Variants in ATP8B4 observed in about 807,000 individuals in gnomAD.
The protein encoded by ATP8B4 is probable phospholipid-transporting ATPase IM.
In ATP8B4, 133 loss-of-function variants were observed where a neutral mutation model predicts 145.6. The observed-to-expected ratio is 0.91, with a 90% CI of 0.79 to 1.05. The LOEUF (loss-of-function observed/expected upper bound fraction) is 1.05, where lower values mean the gene tolerates loss of function less well. Among genes scored for constraint, ATP8B4 ranks in the 50% least tolerant of loss-of-function variants. ATP8B4 has a pLI of 0.00. For missense variants in ATP8B4, 1,458 were observed against 1,425.2 expected, an observed-to-expected ratio of 1.02 and a Z score of -0.37; for synonymous variants, 507 against 492.9, an observed-to-expected ratio of 1.03 and a Z score of -0.38.
chr15:49,875,954 T>C (rs1194016219), intron 25 of ATP8B4, among the ~76,000 whole-genome samples: 3 of 152,204 alleles, frequency 2.0e-5, no homozygotes, highest in Non-Finnish European at 2.9e-5. Context: ...AAGTTTCTCC[T>C]TCTGTTATTG....
chr15:49,862,152 T>C, intron 27 of ATP8B4, 93 bp downstream of exon 27: 10 of 1,448,478 alleles, frequency 6.9e-6, no homozygotes, highest in Non-Finnish European at 9.4e-6. Context: ...ACAATTTCAT[T>C]AGCCCATCTC....
At chr15:50,037,436 A>G (rs1466613365) in intron 6 of ATP8B4, among the ~76,000 whole-genome samples, 1 of 152,210 alleles carries the variant, frequency 6.6e-6, no homozygotes, top group African/African-American at 2.4e-5. Context: ...AACATACAAG[A>G]CACTGGGCCA....
At chr15:49,897,978 T>G (rs2037596657) in intron 22 of ATP8B4, 90 bp downstream of exon 22, 1 of 1,401,852 alleles carries the variant, frequency 7.1e-7, no homozygotes, top group Non-Finnish European at 9.8e-7. Context: ...AAATTAAATT[T>G]TAATGCAATC....
chr15:49,930,208 T>G (rs945486662), intron 16 of ATP8B4, among the ~76,000 whole-genome samples: 4 of 152,026 alleles, frequency 2.6e-5, no homozygotes, highest in African/African-American at 9.7e-5. Context: ...TGTTTTCTGA[T>G]GCAGGAGAGT....
At chr15:49,987,970 T>A (rs2046761576) in intron 9 of ATP8B4, among the ~76,000 whole-genome samples, 1 of 152,234 alleles carries the variant, frequency 6.6e-6, no homozygotes. Flanking sequence ...ACTTCTAGTC[T>A]CACAACAAAA....
intron 1 of ATP8B4, among the ~76,000 whole-genome samples, chr15:50,128,388 C>T (rs779902340): frequency 3.3e-5 from 5 of 152,252 alleles, no homozygotes; most frequent in Admixed American, 6.5e-5. Context: ...CAGTATGGAA[C>T]ACTGGAGGAG....
intron 2 of ATP8B4, among the ~76,000 whole-genome samples, chr15:50,106,597 A>C (rs1293956829): frequency 6.6e-6 from 1 of 152,246 alleles, no homozygotes; most frequent in African/African-American, 2.4e-5. Context: ...TATGCTGAGC[A>C]AAAGCAGCAA....
intron 2 of ATP8B4, among the ~76,000 whole-genome samples, 169 bp from the exon 3 acceptor site, chr15:50,074,354 T>C (rs1055100659): frequency 7.2e-5 from 11 of 152,332 alleles, no homozygotes; most frequent in African/African-American, 2.4e-4. Context: ...ACATGTGTTG[T>C]AAAGTCCCAA....
In ATP8B4 at chr15:50,172,854, G is replaced by A. The variant is rs550193118; in HGVS notation, c.-43+9407C>T. 6.6e-5 allele frequency among the ~76,000 whole-genome samples: 10 copies of A among 151,036 alleles called. No individual in the cohort carries two copies. The East Asian group carries it at 1.6e-3, about 24-fold the overall frequency. ...GCCACCACCCCGTCTGGGAGGTGAG[G>A]AGCGTCTCTGACCGGCCGCCCCGTC... On this transcript the variant is annotated intron_variant, in intron 1 of 3. Coordinates refer to the ATP8B4 transcript ENST00000558829.
In ATP8B4 at chr15:50,074,180, C is replaced by T. The variant is rs1470976581; in HGVS notation, c.34G>A (p.Glu12Lys). The T allele has an allele frequency of 6.2e-7, 1 of 1,611,544 alleles. No homozygotes were observed. Among genetic ancestry groups the T allele is most frequent in the Non-Finnish European group, 8.5e-7 (1 of 1,178,530 alleles). Reference sequence around the variant, plus strand: ...CGGTCATTGGCTTTCACTATCCGTTCCACTTCTAAAGAGAGAGAAATCAAG... The same window carrying T: ...CGGTCATTGGCTTTCACTATCCGTTTCACTTCTAAAGAGAGAGAAATCAAG... ...FCSEKKLREV[E>K]RIVKANDREY... Residue 12 changes from glutamate to lysine, a missense_variant, in exon 3 of 28, where the codon GAA (glutamate) becomes AAA (lysine). Physicochemically the swap from Glu to Lys is moderately conservative, Grantham distance 56. Transcript: ENST00000284509.
intron 6 of ATP8B4, among the ~76,000 whole-genome samples, chr15:50,012,499 C>G (rs1296155976): frequency 6.6e-6 from 1 of 152,148 alleles, no homozygotes; most frequent in African/African-American, 2.4e-5. Context: ...GATGTTGACG[C>G]CGAGCCTAGC....
intron 6 of ATP8B4, among the ~76,000 whole-genome samples, chr15:50,012,839 C>T (rs1157824542): frequency 1.3e-5 from 2 of 152,206 alleles, no homozygotes; most frequent in South Asian, 2.1e-4. Context: ...GTAGAACAAT[C>T]AGTGGGTACA....
chr15:49,883,027 C>G (rs1248585244), intron 23 of ATP8B4: 1 of 152,166 alleles, frequency 6.6e-6, no homozygotes, highest in African/African-American at 2.4e-5. Context: ...GATGCCCAGG[C>G]CACACCCCAG....
At chr15:50,037,432 C>T (rs1398642881) in intron 6 of ATP8B4, among the ~76,000 whole-genome samples, 1 of 152,196 alleles carries the variant, frequency 6.6e-6, no homozygotes, top group Non-Finnish European at 1.5e-5. Flanking sequence ...TAACAACATA[C>T]AAGACACTGG....
chr15:49,956,566 CA>C (rs559394483), intron 14 of ATP8B4, among the ~76,000 whole-genome samples: 4 of 152,150 alleles, frequency 2.6e-5, no homozygotes, highest in Non-Finnish European at 4.4e-5. Flanking sequence ...TTTCTTGAGA[CA>C]GAGTATCACT....
At chr15:50,002,895 A>G (rs117680143) in intron 7 of ATP8B4, among the ~76,000 whole-genome samples, 1,687 of 152,314 alleles carry the variant, frequency 0.011, 16 homozygotes, top group Non-Finnish European at 0.02. Flanking sequence ...CTGATGTCCA[A>G]TTGAGCTTTG....
chr15:50,145,522 T>C (rs577350207), intron 1 of ATP8B4, among the ~76,000 whole-genome samples: 44 of 152,342 alleles, frequency 2.9e-4, no homozygotes, highest in Middle Eastern at 3.4e-3. Context: ...CATCATTCCA[T>C]GTAGGTGCGT....
chr15:50,144,948 C>T (rs531473418), intron 1 of ATP8B4, among the ~76,000 whole-genome samples: 5 of 152,176 alleles, frequency 3.3e-5, no homozygotes, highest in Non-Finnish European at 5.9e-5. Context: ...TATTACACTA[C>T]TGAATATCGT....
At chr15:50,084,930 T>C (rs1206897539) in intron 2 of ATP8B4, among the ~76,000 whole-genome samples, 1 of 152,188 alleles carries the variant, frequency 6.6e-6, no homozygotes, top group African/African-American at 2.4e-5. Context: ...TCCCTTCACT[T>C]AAGCACATCC....
Sources: allele counts gnomAD v4.1 joint callset (sites outside exome capture counted in the v4.1 genomes callset), GRCh38; gene constraint gnomAD v4.1.1; transcripts MANE v1.5; gene names NCBI Gene and HGNC (gene_info 2026-07-23, HGNC 2026-07-21).